The following RANBP2 variants were observed in gnomAD, a reference collection of about 807,000 sequenced individuals.
RANBP2 encodes the protein E3 SUMO-protein ligase RanBP2.
A neutral mutation model predicts 303.6 loss-of-function variants in RANBP2; 57 were observed. The observed-to-expected ratio is 0.19, with a 90% CI of 0.15 to 0.23. RANBP2 has a LOEUF of 0.23. RANBP2 is among the 10% of genes least tolerant of loss of function. RANBP2 has a pLI of 1.00. For synonymous variants in RANBP2, 1,167 were observed against 1,301.5 expected (o/e 0.90, Z 2.23); for missense variants, 3,138 against 3,780.8 (o/e 0.83, Z 4.46).
chr2:109,178,817 T>G, the RANBP2 span, among the ~76,000 whole-genome samples: 1 of 152,158 alleles, frequency 6.6e-6, no homozygotes, highest in Non-Finnish European at 1.5e-5. Flanking sequence ...AGCAAAATAA[T>G]TGTGTTACAG....
Position 108,785,237 on chromosome 2 carries a change from G to A in RANBP2, c.*1336G>A, listed in dbSNP as rs990056839. 3 of 152,112 alleles carry A rather than the reference G, an allele frequency of 2.0e-5. No individual in the cohort carries two copies. Among genetic ancestry groups the A allele is most frequent in the African/African-American group, 7.2e-5 (3 of 41,404 alleles). The allele number at this position is 152,112 out of a possible 1,614,324, so 9.4% of individuals were successfully genotyped here. A position where few individuals can be genotyped will look rare whatever the true frequency, so the allele number is the denominator to read the frequency against. ...GGGAGGGATGTTGTGCGAGTAATGA[G>A]TGATGGTATACCATCACCATTCCAC... On this transcript the variant is annotated 3_prime_UTR_variant, in exon 29 of 29. Transcript: ENST00000283195.
chr2:109,514,402 G>A, the RANBP2 span, among the ~76,000 whole-genome samples: 6 of 152,126 alleles, frequency 3.9e-5, no homozygotes, highest in South Asian at 2.1e-4. Flanking sequence ...TCCGCCCACC[G>A]CCCCCAGGGC....
chr2:109,177,090 G>A, the RANBP2 span, among the ~76,000 whole-genome samples: 1 of 152,180 alleles, frequency 6.6e-6, no homozygotes, highest in Non-Finnish European at 1.5e-5. Context: ...GAGACAATAA[G>A]CTCTGTTTAC....
At chr2:108,928,909 C>A in the RANBP2 span, among the ~76,000 whole-genome samples, 2 of 152,238 alleles carry the variant, frequency 1.3e-5, no homozygotes, top group Non-Finnish European at 2.9e-5. Flanking sequence ...CGCTACTGCA[C>A]TGTAAGTATT....
chr2:108,843,918 T>C, the RANBP2 span, among the ~76,000 whole-genome samples: 7 of 119,246 alleles, frequency 5.9e-5, no homozygotes, highest in African/African-American at 2.0e-4. Context: ...TGAGACAGGG[T>C]CTTGCTCTGT....
chr2:109,119,770 TA>T, the RANBP2 span, among the ~76,000 whole-genome samples: 1 of 152,258 alleles, frequency 6.6e-6, no homozygotes, highest in African/African-American at 2.4e-5. Flanking sequence ...ACTGCAGGAT[TA>T]TTTTTAATAC....
At chr2:109,167,730 C>G in the RANBP2 span, among the ~76,000 whole-genome samples, 2 of 152,128 alleles carry the variant, frequency 1.3e-5, no homozygotes, top group African/African-American at 4.8e-5. Flanking sequence ...TGTCACCACG[C>G]CTGGCTAATT....
the RANBP2 span, among the ~76,000 whole-genome samples, chr2:109,254,475 A>G: frequency 6.6e-6 from 1 of 152,194 alleles, no homozygotes; most frequent in Non-Finnish European, 1.5e-5. Context: ...GACACATTGC[A>G]TGTAAATGTT....
At chr2:109,201,833 G>A in the RANBP2 span, among the ~76,000 whole-genome samples, 1 of 152,180 alleles carries the variant, frequency 6.6e-6, no homozygotes, top group East Asian at 1.9e-4. Flanking sequence ...TTTAAATGGG[G>A]CATAGTGCCC....
the RANBP2 span, among the ~76,000 whole-genome samples, chr2:108,926,990 C>A: frequency 6.6e-6 from 1 of 152,194 alleles, no homozygotes; most frequent in Non-Finnish European, 1.5e-5. Flanking sequence ...GCCTTGTCTG[C>A]AGTAGAGGGG....
the RANBP2 span, among the ~76,000 whole-genome samples, chr2:109,699,101 G>T: frequency 2.0e-5 from 3 of 152,150 alleles, no homozygotes; most frequent in Non-Finnish European, 4.4e-5. Flanking sequence ...AGGTTGTGAA[G>T]CCTGCTTACC....
the RANBP2 span, among the ~76,000 whole-genome samples, chr2:109,118,154 A>G: frequency 6.6e-6 from 1 of 152,204 alleles, no homozygotes; most frequent in Non-Finnish European, 1.5e-5. Context: ...AGCTGTTTCT[A>G]CTGAGTCCTG....
the RANBP2 span, among the ~76,000 whole-genome samples, chr2:109,373,864 C>T: frequency 6.6e-6 from 1 of 152,138 alleles, no homozygotes; most frequent in Admixed American, 6.5e-5. Context: ...TGCGTTGGGC[C>T]CCTCAGCCCC....
At chr2:109,453,962 C>T in the RANBP2 span, among the ~76,000 whole-genome samples, 3 of 152,202 alleles carry the variant, frequency 2.0e-5, no homozygotes, top group South Asian at 2.1e-4. Context: ...GGGAGGGCCT[C>T]GTTGCCAACT....
chr2:109,375,938 G>C, the RANBP2 span, among the ~76,000 whole-genome samples: 1 of 152,354 alleles, frequency 6.6e-6, no homozygotes, highest in African/African-American at 2.4e-5. Context: ...CCTGCACATT[G>C]GGGGCATGGC....
chr2:109,150,126 A>C, the RANBP2 span, among the ~76,000 whole-genome samples: 53 of 152,182 alleles, frequency 3.5e-4, no homozygotes, highest in African/African-American at 1.2e-3. Flanking sequence ...GGCCAACAAA[A>C]GGTGGTGTAG....
At chr2:109,572,609 CTTTT>C in the RANBP2 span, among the ~76,000 whole-genome samples, 12 of 111,194 alleles carry the variant, frequency 1.1e-4, no homozygotes, top group Non-Finnish European at 1.7e-4. Context: ...TTTAAAACAA[CTTTT>C]TTTTTTTTTT....
chr2:108,784,930 C>T lies in RANBP2; in HGVS notation c.*1029C>T, dbSNP rs914610457. On this transcript the variant is annotated 3_prime_UTR_variant, in exon 29 of 29. Coordinates refer to ENST00000283195, the MANE Select transcript of RANBP2 (RefSeq NM_006267.5). ...TCTCAAGTTTGATACACACCAAAAA[C>T]GTATTTGGAAATGGCTTGTATCAAA... The T allele has an allele frequency of 2.0e-5, 3 of 152,120 alleles. No individual in the cohort carries two copies. Among genetic ancestry groups the T allele is most frequent in the African/African-American group, 7.2e-5 (3 of 41,408 alleles). 9.4% of individuals were successfully genotyped at this position (152,120 alleles called of 1,614,324 possible). A position where few individuals can be genotyped will look rare whatever the true frequency, so the allele number is the denominator to read the frequency against.
the RANBP2 span, chr2:109,398,550 A>G: frequency 3.3e-6 from 5 of 1,498,942 alleles, no homozygotes; most frequent in Admixed American, 6.0e-5. Context: ...GCATGTGACC[A>G]TGATTTAATG....
Sources: allele counts gnomAD v4.1 joint callset (sites outside exome capture counted in the v4.1 genomes callset), GRCh38; gene constraint gnomAD v4.1.1; transcripts MANE v1.5; gene names NCBI Gene and HGNC (gene_info 2026-07-23, HGNC 2026-07-21).